COPA: variants seen among roughly 807,000 people sequenced by gnomAD.
COPA encodes coatomer subunit alpha.
In COPA, 10 loss-of-function variants were observed where a neutral mutation model predicts 158.7. That is an observed-to-expected ratio of 0.06 (90% CI 0.04 to 0.11). The LOEUF is 0.11. Ranked by LOEUF, COPA falls within the 10% of genes least tolerant of loss-of-function variation. The probability of loss-of-function intolerance (pLI) is 1.00; values close to 1 mark genes in which losing one functional copy is unlikely to be tolerated. For synonymous variants in COPA, 462 were observed against 542.8 expected, an observed-to-expected ratio of 0.85 and a Z score of 2.07; for missense variants, 1,065 against 1,536.7, an observed-to-expected ratio of 0.69 and a Z score of 5.13.
chr1:160,321,397 T>C (rs2101857562), intron 8 of COPA, among the ~76,000 whole-genome samples: 1 of 152,196 alleles, frequency 6.6e-6, no homozygotes, highest in East Asian at 1.9e-4. Flanking sequence ...AAATTACCCT[T>C]GTTCACAGAT....
At chr1:160,341,218 C>G (rs1469530579) in intron 1 of COPA, among the ~76,000 whole-genome samples, 1 of 152,122 alleles carries the variant, frequency 6.6e-6, no homozygotes, top group Non-Finnish European at 1.5e-5. Flanking sequence ...GAAGTGTATC[C>G]TTTCAGATTT....
chr1:160,310,872 G>C (rs993479627), intron 11 of COPA, among the ~76,000 whole-genome samples: 2 of 152,148 alleles, frequency 1.3e-5, no homozygotes, highest in African/African-American at 4.8e-5. Flanking sequence ...AGGCAAGGGA[G>C]AGTTAAAGAA....
At chr1:160,300,975 A>C (rs1238098139) in intron 17 of COPA, among the ~76,000 whole-genome samples, 1 of 151,988 alleles carries the variant, frequency 6.6e-6, no homozygotes, top group African/African-American at 2.4e-5. Flanking sequence ...AAAATTAGCC[A>C]GGCGTAATGG....
chr1:160,334,405 C>T (rs1647667400), intron 4 of COPA, among the ~76,000 whole-genome samples: 1 of 152,080 alleles, frequency 6.6e-6, no homozygotes, highest in Non-Finnish European at 1.5e-5. Context: ...GCAACTTGTT[C>T]TAGGCAAGGG....
chr1:160,339,803 T>G (rs1647950753), intron 3 of COPA, 106 bp downstream of exon 3: 4 of 990,432 alleles, frequency 4.0e-6, no homozygotes, highest in Non-Finnish European at 6.3e-6. Flanking sequence ...GTCAAAGGCC[T>G]GAGCTCTGTA....
chr1:160,333,402 A>G, intron 5 of COPA: 1 of 453,556 alleles, frequency 2.2e-6, no homozygotes, highest in Non-Finnish European at 3.9e-6. Context: ...CCTGGTAAGA[A>G]ATTATTGGAA....
chr1:160,298,651 T>C (rs956383597), intron 19 of COPA, among the ~76,000 whole-genome samples, 194 bp downstream of exon 19: 3 of 152,142 alleles, frequency 2.0e-5, no homozygotes, highest in African/African-American at 7.2e-5. Context: ...AGAAATGCGG[T>C]GGCAGAAGCA....
intron 8 of COPA, chr1:160,317,399 T>A: frequency 6.2e-7 from 1 of 1,605,440 alleles, no homozygotes; most frequent in Middle Eastern, 2.3e-4. Context: ...GCCACTGTCA[T>A]CATGTCTGAC....
At chr1:160,326,089 T>C (rs1214114839) in intron 6 of COPA, 2 of 164,166 alleles carry the variant, frequency 1.2e-5, no homozygotes, top group Admixed American at 1.2e-4. Context: ...ATTTCAGAAA[T>C]TTTTTTCTTT....
Position 160,306,436 on chromosome 1 carries a change from C to G in COPA, c.1360G>C (p.Asp454His), listed in dbSNP as rs1470175981. Residue 454 changes from aspartate (D) to histidine (H), a missense_variant, in exon 15 of 33, where the codon GAT becomes CAT. Physicochemically the swap from Asp to His is moderately conservative, Grantham distance 81 (BLOSUM62 -1). This residue lies in a region of COPA where 980 missense variants were observed against 1,357.8 expected (regional missense o/e 0.72). Transcript: ENST00000241704. ...ITKKVQVPNC[D>H]EIFYAGTGNL... ...CCTGTGCCAGCATAGAAGATCTCATCACAGTTGGGCACCTGTACCTTTTTG... is the reference window on the plus strand; with the variant it reads ...CCTGTGCCAGCATAGAAGATCTCATGACAGTTGGGCACCTGTACCTTTTTG... 3 of 1,614,198 alleles carry G rather than the reference C, an allele frequency of 1.9e-6. No individual in the cohort carries two copies. The highest frequency in any genetic ancestry group is 2.5e-6 in the Non-Finnish European group (3 of 1,180,026).
chr1:160,306,323 G>A (rs1319679136), intron 15 of COPA, 31 bp downstream of exon 15: 12 of 1,557,158 alleles, frequency 7.7e-6, no homozygotes, highest in African/African-American at 1.4e-5. Context: ...CAACTACAGG[G>A]CTGTCTGCTT....
chr1:160,333,467 A>G (rs1647622618), intron 5 of COPA, 136 bp downstream of exon 5: 1 of 559,866 alleles, frequency 1.8e-6, no homozygotes, highest in Non-Finnish European at 3.1e-6. Flanking sequence ...ACTTAAAAGC[A>G]TCCTACAAAT....
intron 6 of COPA, among the ~76,000 whole-genome samples, chr1:160,326,440 G>A (rs1410086352): frequency 6.6e-6 from 1 of 152,140 alleles, no homozygotes; most frequent in Non-Finnish European, 1.5e-5. Context: ...GAGATAGGGG[G>A]ATGGCTTGAG....
At chr1:160,303,160 C>A (rs149802921) in intron 17 of COPA, among the ~76,000 whole-genome samples, 1 of 152,152 alleles carries the variant, frequency 6.6e-6, no homozygotes, top group African/African-American at 2.4e-5. Flanking sequence ...GATTACGCCA[C>A]TGTACTCCAG....
chr1:160,343,224 C>T lies in COPA; in HGVS notation c.-54G>A. 3 of 1,610,388 alleles carry T rather than the reference C, an allele frequency of 1.9e-6. No homozygotes were observed. Among genetic ancestry groups the T allele is most frequent in the Non-Finnish European group, 1.7e-6 (2 of 1,176,570 alleles). The stretch of plus-strand genomic sequence containing the variant: ...ATCCGAGCCCCGACACACCCTGCTG[C>T]CCTTCGGACGCCTCCACGTCAGCGA... On this transcript the variant is annotated 5_prime_UTR_variant, in exon 1 of 33. Transcript: ENST00000241704.
In COPA at chr1:160,290,725, G is replaced by A. The variant is rs758999088; in HGVS notation, c.3421-39C>T. 1.9e-6 allele frequency: 3 copies of A among 1,585,124 alleles called. No homozygotes were observed. The South Asian group carries it at 3.3e-5, about 18-fold the overall frequency. On this transcript the variant is annotated intron_variant, in intron 31 of 32. Transcript: ENST00000241704. ...GGAGTATTTAGGAGGACAGAAGGCT[G>A]CAGACAACACCTCAAAGGATCCCAA... is the stretch of plus-strand genomic sequence containing the variant.
intron 17 of COPA, among the ~76,000 whole-genome samples, chr1:160,299,793 G>A (rs1658539978): frequency 6.6e-6 from 1 of 152,026 alleles, no homozygotes; most frequent in South Asian, 2.1e-4. Context: ...AGGAGAAACT[G>A]AAAATTAACA....
At chr1:160,332,645 G>A in intron 5 of COPA, 88 bp from the exon 6 acceptor site, 1 of 892,276 alleles carries the variant, frequency 1.1e-6, no homozygotes, top group South Asian at 1.9e-5. Context: ...TTCAATAAAT[G>A]CTTATCCAGT....
rs1288664325 is a variant in COPA at position 160,333,657 on chromosome 1, G to A, written c.332C>T (p.Ala111Val). The change falls in exon 5 of 33, where the codon GCC becomes GTC. Residue 111 changes from alanine to valine, a missense_variant. By Grantham distance (64) the Ala-to-Val change is moderately conservative (BLOSUM62 0). Transcript: ENST00000241704. ...CACTCGGATGGTCTGATCATCGGAG[G>A]CACTCAGAATCCAGGGATATTCCTG... ...FHHEYPWILS[A>V]SDDQTIRVWN... 1 of 1,612,714 alleles carries A rather than the reference G, an allele frequency of 6.2e-7. No homozygotes were observed. Among genetic ancestry groups the A allele is most frequent in the Non-Finnish European group, 8.5e-7 (1 of 1,179,202 alleles).
Sources: gnomAD v4.1 joint callset for allele counts (sites outside exome capture counted in the v4.1 genomes callset) on GRCh38, gnomAD v4.1.1 for gene constraint, gnomAD v4.1.1 regional missense constraint, MANE v1.5 for transcripts, NCBI Gene and HGNC (gene_info 2026-07-23, HGNC 2026-07-21) for gene names.